Variants in CRLF3 observed in about 807,000 individuals in gnomAD.
CRLF3 encodes cytokine receptor-like factor 3.
A neutral mutation model predicts 55.0 loss-of-function variants in CRLF3; 33 were observed. That is an observed-to-expected ratio of 0.60 (90% CI 0.46 to 0.80). The LOEUF is 0.80. Ranked by LOEUF, CRLF3 falls within the 30% of genes least tolerant of loss-of-function variation. CRLF3 has a pLI of 0.00. For synonymous variants in CRLF3, 238 were observed against 196.8 expected, an observed-to-expected ratio of 1.21 and a Z score of -1.75; for missense variants, 494 against 538.4, an observed-to-expected ratio of 0.92 and a Z score of 0.82.
chr17:30,816,070 T>TC (rs1433736740), intron 1 of CRLF3, among the ~76,000 whole-genome samples: 1 of 146,898 alleles, frequency 6.8e-6, no homozygotes, highest in East Asian at 2.0e-4. Context: ...GATCACGAGG[T>TC]CAGGAGTTCG....
At chr17:30,823,344 G>A (rs566990342) in intron 1 of CRLF3, among the ~76,000 whole-genome samples, 4 of 151,404 alleles carry the variant, frequency 2.6e-5, no homozygotes, top group Non-Finnish European at 5.9e-5. Flanking sequence ...CACCCTGAGC[G>A]ACACAGCCAG....
intron 1 of CRLF3, 74 bp from the exon 2 acceptor site, chr17:30,804,182 A>G (rs916749313): frequency 2.0e-5 from 20 of 1,001,718 alleles, no homozygotes; most frequent in Middle Eastern, 3.0e-4. Flanking sequence ...ATTCACATGA[A>G]TCTAAAAGCA....
At chr17:30,808,327 A>G (rs8069821) in intron 1 of CRLF3, among the ~76,000 whole-genome samples, 19,311 of 102,836 alleles carry the variant, frequency 0.19, 1,526 homozygotes, top group South Asian at 0.29. Context: ...TGCTCTTGTT[A>G]CCCAGGCTGC....
At chr17:30,816,786 C>T (rs1904819641) in intron 1 of CRLF3, among the ~76,000 whole-genome samples, 1 of 149,390 alleles carries the variant, frequency 6.7e-6, no homozygotes. Flanking sequence ...AGCATGCCTA[C>T]TGCACCTTTT....
intron 1 of CRLF3, among the ~76,000 whole-genome samples, chr17:30,811,345 C>T (rs538951563): frequency 1.3e-5 from 2 of 151,710 alleles, no homozygotes; most frequent in Admixed American, 1.3e-4. Flanking sequence ...ATCCCAGCTA[C>T]TCGGAGGCTG....
chr17:30,791,331 G>A (rs557377112), intron 6 of CRLF3, among the ~76,000 whole-genome samples: 4 of 151,160 alleles, frequency 2.6e-5, no homozygotes, highest in Admixed American at 6.6e-5. Context: ...TCAGCCTCCC[G>A]AAGTGCTGGG....
Position 30,793,662 on chromosome 17 carries a change from T to G in CRLF3, c.614A>C (p.Asp205Ala). 6.2e-7 allele frequency: 1 copy of G among 1,611,388 alleles called. No individual in the cohort carries two copies. Among genetic ancestry groups the G allele is most frequent in the Non-Finnish European group, 8.5e-7 (1 of 1,177,730 alleles). Residue 205 changes from aspartate (D) to alanine (A), a missense_variant, in exon 5 of 8, where the codon GAC (aspartate) becomes GCC (alanine). By Grantham distance (126) the Asp-to-Ala change is moderately radical. Transcript: ENST00000324238. ...IIVRWCKVDD[D>A]FTAQDYRLQF... ...GAGCCTGTAATCTTGGGCTGTAAAG[T>G]CATCATCCACCTAGGGAGAAAAGCT...
intron 1 of CRLF3, among the ~76,000 whole-genome samples, chr17:30,805,078 G>C (rs549217918): frequency 6.6e-6 from 1 of 152,106 alleles, no homozygotes; most frequent in Admixed American, 6.6e-5. Flanking sequence ...AGCTACTTGC[G>C]AGGCTGAGGC....
At chr17:30,813,421 G>A (rs540613628) in intron 1 of CRLF3, among the ~76,000 whole-genome samples, 26 of 152,172 alleles carry the variant, frequency 1.7e-4, no homozygotes, top group Admixed American at 3.9e-4. Flanking sequence ...TACATATCTG[G>A]GGCAGCCACA....
At chr17:30,813,508 G>C (rs1294688695) in intron 1 of CRLF3, among the ~76,000 whole-genome samples, 1 of 152,162 alleles carries the variant, frequency 6.6e-6, no homozygotes, top group African/African-American at 2.4e-5. Flanking sequence ...TTGTCAGTTG[G>C]AGGAGCAGGG....
intron 2 of CRLF3, among the ~76,000 whole-genome samples, chr17:30,803,239 C>A (rs923438899): frequency 2.6e-5 from 4 of 151,852 alleles, no homozygotes; most frequent in South Asian, 4.1e-4. Context: ...AGAATGGATA[C>A]CCCATTTTCC....
chr17:30,812,825 A>C (rs1293646537), intron 1 of CRLF3, among the ~76,000 whole-genome samples: 1 of 152,196 alleles, frequency 6.6e-6, no homozygotes, highest in African/African-American at 2.4e-5. Context: ...AAGTATGTCT[A>C]TCTTTCTGGA....
Position 30,824,502 on chromosome 17 carries a change from CT to C in CRLF3, c.129+20del. The stretch of plus-strand genomic sequence containing the variant: ...CGCCACCCCCGGGCCCACAGCGCCC[CT>C]GTGGGTGTGGCCCTCCGACCTGCCT... On this transcript the variant is annotated intron_variant, in intron 1 of 7. Transcript: ENST00000324238. The C allele has an allele frequency of 6.3e-7, 1 of 1,577,500 alleles. No homozygotes were observed.
At chr17:30,805,740 TGGTCA>T (rs1362140668) in intron 1 of CRLF3, among the ~76,000 whole-genome samples, 1 of 144,422 alleles carries the variant, frequency 6.9e-6, no homozygotes, top group Non-Finnish European at 1.5e-5. Flanking sequence ...AAGCAAGCCA[TGGTCA>T]GGTGCAGTGG....
At chr17:30,820,106 A>G (rs1037092497) in intron 1 of CRLF3, among the ~76,000 whole-genome samples, 3 of 152,200 alleles carry the variant, frequency 2.0e-5, no homozygotes, top group Non-Finnish European at 4.4e-5. Flanking sequence ...GGCTGTAAAC[A>G]TTATCTGATT....
In CRLF3 at chr17:30,797,170, T is replaced by G. The variant is rs1971931086; in HGVS notation, c.425+141A>C. The G allele has an allele frequency of 1.3e-5, 9 of 671,128 alleles. No homozygotes were observed. In the South Asian group the frequency reaches 1.6e-4, roughly 12 times the overall value. The allele number at this position is 671,128 out of a possible 1,614,324, so 41.6% of individuals were successfully genotyped here. A position where few individuals can be genotyped will look rare whatever the true frequency, so the allele number is the denominator to read the frequency against. Reference sequence around the variant, plus strand: ...CCTCCCAACGTGCTGGGATTACAGGTGTAAACCACCACGCATGGTCTGAAA... The same window carrying G: ...CCTCCCAACGTGCTGGGATTACAGGGGTAAACCACCACGCATGGTCTGAAA... On this transcript the variant is annotated intron_variant, in intron 3 of 7. Transcript: ENST00000324238.
At chr17:30,818,077 T>A (rs889043108) in intron 1 of CRLF3, among the ~76,000 whole-genome samples, 1 of 151,650 alleles carries the variant, frequency 6.6e-6, no homozygotes, top group African/African-American at 2.4e-5. Context: ...GCCTTCACCA[T>A]GGTGAAACCC....
intron 4 of CRLF3, among the ~76,000 whole-genome samples, chr17:30,794,485 AT>A (rs1217809022): frequency 1.1e-4 from 16 of 152,214 alleles, no homozygotes; most frequent in African/African-American, 3.9e-4. Flanking sequence ...CTAATTTGTA[AT>A]ATGGCAAATA....
At chr17:30,804,604 T>TGTCAGATACAGA (rs1171061852) in intron 1 of CRLF3, among the ~76,000 whole-genome samples, 35 of 152,362 alleles carry the variant, frequency 2.3e-4, no homozygotes, top group African/African-American at 8.4e-4. Flanking sequence ...ATCTGGCTTA[T>TGTCAGATACAGA]TTCACTTAGC....
Sources: gnomAD v4.1 joint callset for allele counts (sites outside exome capture counted in the v4.1 genomes callset) on GRCh38, gnomAD v4.1.1 for gene constraint, MANE v1.5 for transcripts, NCBI Gene and HGNC (gene_info 2026-07-23, HGNC 2026-07-21) for gene names.